The following USP37 variants were observed in gnomAD, a reference collection of about 807,000 sequenced individuals.
USP37 encodes the protein ubiquitin carboxyl-terminal hydrolase 37.
Under a neutral mutation model 124.0 loss-of-function variants are expected in USP37, and 27 were observed. That is an observed-to-expected ratio of 0.22 (90% CI 0.16 to 0.30). USP37 has a LOEUF of 0.30. Among genes scored for constraint, USP37 ranks in the 10% least tolerant of loss-of-function variants. USP37 has a pLI of 1.00. For missense variants in USP37, 889 were observed against 1,140.4 expected, an observed-to-expected ratio of 0.78 and a Z score of 3.17; for synonymous variants, 365 against 388.0, an observed-to-expected ratio of 0.94 and a Z score of 0.70.
rs768567641 is a variant in USP37, at chr2:218,463,382, C to T, written c.2467-16G>A. 2 of 1,612,678 alleles carry T rather than the reference C, an allele frequency of 1.2e-6. No homozygotes were observed. The highest frequency in any genetic ancestry group is 1.7e-6 in the Non-Finnish European group (2 of 1,179,082). Reference sequence around the variant, plus strand: ...CCCAAGCCTCCTAAAGGGAAAAGAACAAAAACTAAGGTATTTAAAGAGGTA... The same window carrying T: ...CCCAAGCCTCCTAAAGGGAAAAGAATAAAAACTAAGGTATTTAAAGAGGTA... On this transcript the variant is annotated splice_polypyrimidine_tract_variant and intron_variant, in intron 21 of 25. Transcript: ENST00000258399.
chr2:218,475,198 A>C (rs1690902392), intron 19 of USP37, among the ~76,000 whole-genome samples: 1 of 152,210 alleles, frequency 6.6e-6, no homozygotes, highest in South Asian at 2.1e-4. Context: ...AAGTATTTTC[A>C]ATTTATTTTC....
chr2:218,495,230 T>C (rs1014908744), intron 14 of USP37, among the ~76,000 whole-genome samples: 4 of 152,236 alleles, frequency 2.6e-5, no homozygotes, highest in Admixed American at 6.6e-5. Flanking sequence ...CAGCCTCAAC[T>C]TGCAGTGTTC....
chr2:218,538,990 CAG>C (rs1691816971), intron 8 of USP37, among the ~76,000 whole-genome samples: 1 of 152,144 alleles, frequency 6.6e-6, no homozygotes, highest in Non-Finnish European at 1.5e-5. Flanking sequence ...ATTTTTGAGA[CAG>C]GGGCTTGCTC....
rs1009994311 is a variant in USP37 at position 218,555,725 on chromosome 2, C to T, written c.157-2001G>A. 2.6e-5 allele frequency among the ~76,000 whole-genome samples: 4 copies of T among 152,130 alleles called. No individual in the cohort carries two copies. In the South Asian group the frequency reaches 6.2e-4, roughly 24 times the overall value. ...CTCTTCCTCTATCTTAAGCCCAGAC[C>T]TCTCTGTTGGAGCTCCAGTCCTGTT... On this transcript the variant is annotated intron_variant, in intron 4 of 25. Transcript: ENST00000258399.
chr2:218,471,943 T>C (rs1393963401), intron 20 of USP37, among the ~76,000 whole-genome samples: 15 of 150,468 alleles, frequency 1.0e-4, no homozygotes, highest in Admixed American at 9.3e-4. Flanking sequence ...GGCAGGAGAA[T>C]CACTTGAACC....
At chr2:218,479,400 T>C (rs1691132430) in intron 18 of USP37, among the ~76,000 whole-genome samples, 1 of 152,232 alleles carries the variant, frequency 6.6e-6, no homozygotes, top group Non-Finnish European at 1.5e-5. Flanking sequence ...ATATTAACAA[T>C]AATAAGTTTT....
chr2:218,549,412 T>C (rs1378225776), intron 6 of USP37, among the ~76,000 whole-genome samples: 1 of 151,874 alleles, frequency 6.6e-6, no homozygotes, highest in Non-Finnish European at 1.5e-5. Context: ...GATACCTAAA[T>C]GAAATGATAC....
At chr2:218,518,889 T>C (rs1330722059) in intron 10 of USP37, among the ~76,000 whole-genome samples, 3 of 152,212 alleles carry the variant, frequency 2.0e-5, no homozygotes, top group Non-Finnish European at 4.4e-5. Flanking sequence ...CCACACTATG[T>C]CTCCGGGAGT....
intron 14 of USP37, among the ~76,000 whole-genome samples, chr2:218,493,076 A>T (rs111895661): frequency 0.048 from 7,357 of 152,186 alleles, 507 homozygotes; most frequent in African/African-American, 0.16. Context: ...CCTTATATTA[A>T]TTAAAAAGCA....
chr2:218,454,890 C>G lies in USP37; in HGVS notation c.*40G>C. On this transcript the variant is annotated 3_prime_UTR_variant, in exon 26 of 26. Transcript: ENST00000258399. Reference sequence around the variant, plus strand: ...GGAAAGGTGAGGTGGGCAGCAGTAACAAATATGCAGTGCATGCTGCCAACC... The same window carrying G: ...GGAAAGGTGAGGTGGGCAGCAGTAAGAAATATGCAGTGCATGCTGCCAACC... 6.2e-7 allele frequency: 1 copy of G among 1,605,334 alleles called. No individual in the cohort carries two copies. Among genetic ancestry groups the G allele is most frequent in the East Asian group, 2.2e-5 (1 of 44,824 alleles).
chr2:218,470,635 A>C (rs1338476933), intron 20 of USP37, among the ~76,000 whole-genome samples: 1 of 152,208 alleles, frequency 6.6e-6, no homozygotes, highest in Non-Finnish European at 1.5e-5. Context: ...CTTCAACAAT[A>C]TGCTCCAGTC....
intron 5 of USP37, among the ~76,000 whole-genome samples, chr2:218,550,757 G>A (rs1692624803): frequency 6.6e-6 from 1 of 151,710 alleles, no homozygotes; most frequent in Non-Finnish European, 1.5e-5. Flanking sequence ...TTTTTCATGT[G>A]TAAGGGCCAT....
chr2:218,496,941 G>A (rs1380759831), intron 13 of USP37, among the ~76,000 whole-genome samples: 2 of 151,708 alleles, frequency 1.3e-5, no homozygotes, highest in Non-Finnish European at 2.9e-5. Flanking sequence ...ATGAGCTACC[G>A]CACCCAGCCT....
At chr2:218,469,106 T>C (rs1690531886) in intron 20 of USP37, among the ~76,000 whole-genome samples, 1 of 152,156 alleles carries the variant, frequency 6.6e-6, no homozygotes, top group South Asian at 2.1e-4. Flanking sequence ...AATTGCTGAG[T>C]GAATATTTAT....
intron 8 of USP37, among the ~76,000 whole-genome samples, chr2:218,535,426 A>T (rs1691573616): frequency 6.6e-6 from 1 of 151,848 alleles, no homozygotes; most frequent in African/African-American, 2.4e-5. Flanking sequence ...AAGAAAAACA[A>T]ATCAGGCTGG....
chr2:218,484,779 G>C (rs1381754980), intron 16 of USP37, among the ~76,000 whole-genome samples: 1 of 152,064 alleles, frequency 6.6e-6, no homozygotes, highest in Non-Finnish European at 1.5e-5. Context: ...GCTAATAAAA[G>C]AAAGTAAAGC....
chr2:218,488,699 G>A (rs771460253), intron 14 of USP37, among the ~76,000 whole-genome samples: 1 of 152,058 alleles, frequency 6.6e-6, no homozygotes, highest in Non-Finnish European at 1.5e-5. Context: ...ACAATGGTGC[G>A]ATCTCGGCTC....
At position 218,476,887 on chromosome 2, in the gene USP37, G is replaced by T; in HGVS notation, c.1996C>A (p.Leu666Ile). Reference sequence around the variant, plus strand: ...TGTTCGTTGCCTAACATTTCACAAAGTCTCTGGCTGAGGGCCACAGAACGT... The same window carrying T: ...TGTTCGTTGCCTAACATTTCACAAATTCTCTGGCTGAGGGCCACAGAACGT... ...LKRSVALSQR[L>I]CEMLGNEQQQ... Residue 666 changes from leucine (L) to isoleucine (I), a missense_variant, in exon 19 of 26, where the codon CTT becomes ATT. Transcript: ENST00000258399. 1 of 1,609,676 alleles carries T rather than the reference G, an allele frequency of 6.2e-7. No individual in the cohort carries two copies. The highest frequency in any genetic ancestry group is 8.5e-7 in the Non-Finnish European group (1 of 1,178,300).
chr2:218,518,914 A>G (rs1487021246), intron 10 of USP37, among the ~76,000 whole-genome samples: 2 of 152,238 alleles, frequency 1.3e-5, no homozygotes, highest in Admixed American at 6.5e-5. Flanking sequence ...TTCTAAGCCA[A>G]TGACATTCAT....
Sources: allele counts gnomAD v4.1 joint callset (sites outside exome capture counted in the v4.1 genomes callset), GRCh38; gene constraint gnomAD v4.1.1; transcripts MANE v1.5; gene names NCBI Gene and HGNC (gene_info 2026-07-23, HGNC 2026-07-21).